Variants in TAX1BP1 observed in about 807,000 individuals in gnomAD.
The protein encoded by TAX1BP1 is Tax1 binding protein 1.
A neutral mutation model predicts 97.7 loss-of-function variants in TAX1BP1; 62 were observed. That is an observed-to-expected ratio of 0.63 (90% CI 0.52 to 0.78). The LOEUF is 0.78. Among genes scored for constraint, TAX1BP1 ranks in the 30% least tolerant of loss-of-function variants. The pLI is 0.00. For synonymous variants in TAX1BP1, 340 were observed against 304.2 expected (o/e 1.12, Z -1.23); for missense variants, 867 against 916.1 (o/e 0.95, Z 0.69).
intron 13 of TAX1BP1, among the ~76,000 whole-genome samples, chr7:27,802,237 C>T (rs965005845): frequency 3.3e-5 from 5 of 152,052 alleles, no homozygotes; most frequent in South Asian, 2.1e-4. Flanking sequence ...CCAATCACAG[C>T]GAGTCTTTTT....
At position 27,785,246 on chromosome 7, in the gene TAX1BP1, TC is replaced by T. The variant is rs766300330; in HGVS notation, c.697del (p.Gln233SerfsTer9). 2.5e-6 allele frequency: 4 copies of T among 1,613,384 alleles called. No individual in the cohort carries two copies. The Admixed American group carries it at 6.7e-5, about 27-fold the overall frequency. On this transcript the variant is annotated frameshift_variant, in exon 6 of 17. Coordinates refer to ENST00000396319, the MANE Select transcript of TAX1BP1 (RefSeq NM_006024.7). LOFTEE classifies it high-confidence loss of function. Reference protein sequence around the residue: ...RFSDATSKAHQLEEDIVSVTH... With the variant: ...RFSDATSKAHXLEEDIVSVTH... Reference sequence around the variant, plus strand: ...TCAGTGATGCTACATCCAAAGCCCATCAGCTTGAGGAAGATATTGTGTCAGT... The same window carrying T: ...TCAGTGATGCTACATCCAAAGCCCATAGCTTGAGGAAGATATTGTGTCAGT...
Position 27,794,448 on chromosome 7 carries a change from T to TA in TAX1BP1, c.1534+7dup. The TA allele has an allele frequency of 6.2e-7, 1 of 1,600,898 alleles. No homozygotes were observed. The highest frequency in any genetic ancestry group is 8.5e-7 in the Non-Finnish European group (1 of 1,174,052). On this transcript the variant is annotated splice_region_variant and intron_variant, in intron 11 of 16. Coordinates refer to ENST00000396319, the MANE Select transcript of TAX1BP1 (RefSeq NM_006024.7). ...ATGTAAAGCCATCACCTTCTGCAGG[T>TA]AAAAATCTTTTAGACTTTTTGTGTA...
At chr7:27,803,091 ATTTC>A (rs1220148732) in intron 13 of TAX1BP1, 2 of 1,539,590 alleles carry the variant, frequency 1.3e-6, no homozygotes, top group African/African-American at 1.4e-5. Context: ...AAATAAAGAA[ATTTC>A]TTTCTTTATT....
At chr7:27,769,619 A>G in intron 4 of TAX1BP1, 57 bp from the exon 5 acceptor site, 1 of 1,391,648 alleles carries the variant, frequency 7.2e-7, no homozygotes, top group Non-Finnish European at 9.7e-7. Context: ...TAAATTTGTA[A>G]TAACATATTT....
At chr7:27,813,994 C>T (rs368474026) in intron 13 of TAX1BP1, among the ~76,000 whole-genome samples, 72 of 151,878 alleles carry the variant, frequency 4.7e-4, no homozygotes, top group South Asian at 2.5e-3. Context: ...CAACTTTAAG[C>T]GAAAGGACTT....
At chr7:27,777,574 C>T (rs572057471) in intron 5 of TAX1BP1, among the ~76,000 whole-genome samples, 164 of 152,250 alleles carry the variant, frequency 1.1e-3, no homozygotes, top group African/African-American at 3.7e-3. Context: ...TTTCCTCACA[C>T]GCATATGCTG....
chr7:27,801,136 A>AG (rs386409781), intron 13 of TAX1BP1, among the ~76,000 whole-genome samples: 2 of 151,502 alleles, frequency 1.3e-5, no homozygotes, highest in African/African-American at 4.8e-5. Flanking sequence ...TAGAGAAAAA[A>AG]AAAAAACAGG....
chr7:27,786,033 TAATC>T (rs1028858442), intron 7 of TAX1BP1, among the ~76,000 whole-genome samples: 3 of 152,166 alleles, frequency 2.0e-5, no homozygotes, highest in Admixed American at 2.0e-4. Context: ...AATTTAGTAA[TAATC>T]CCATTTTAGA....
intron 12 of TAX1BP1, 43 bp downstream of exon 12, chr7:27,796,262 T>G: frequency 7.1e-7 from 1 of 1,418,310 alleles, no homozygotes; most frequent in Non-Finnish European, 9.7e-7. Flanking sequence ...TATAAAATGT[T>G]AATGACTTAG....
intron 5 of TAX1BP1, among the ~76,000 whole-genome samples, chr7:27,782,565 T>C (rs7800116): frequency 0.2 from 30,608 of 152,084 alleles, 3,217 homozygotes; most frequent in Admixed American, 0.26. Flanking sequence ...TATATTTTTG[T>C]CTGGTGGATT....
At chr7:27,758,583 T>C (rs1788312293) in intron 3 of TAX1BP1, among the ~76,000 whole-genome samples, 2 of 152,220 alleles carry the variant, frequency 1.3e-5, no homozygotes, top group African/African-American at 4.8e-5. Context: ...ATAAAATTCA[T>C]TTTTGTGTTA....
At chr7:27,808,958 CAA>C (rs1029115229) in intron 13 of TAX1BP1, among the ~76,000 whole-genome samples, 2 of 152,122 alleles carry the variant, frequency 1.3e-5, no homozygotes, top group African/African-American at 4.8e-5. Context: ...GATATTTTGA[CAA>C]AGTCTATTTT....
At chr7:27,776,220 T>C (rs1478062184) in intron 5 of TAX1BP1, among the ~76,000 whole-genome samples, 1 of 152,170 alleles carries the variant, frequency 6.6e-6, no homozygotes, top group Non-Finnish European at 1.5e-5. Context: ...TTGTAAGTAA[T>C]TTTAAGGATT....
At chr7:27,767,042 TTG>T (rs1322239095) in intron 4 of TAX1BP1, among the ~76,000 whole-genome samples, 27 of 152,188 alleles carry the variant, frequency 1.8e-4, no homozygotes, top group Admixed American at 1.8e-3. Flanking sequence ...TAATAATGCC[TTG>T]TGTATTAATT....
intron 1 of TAX1BP1, among the ~76,000 whole-genome samples, chr7:27,741,968 G>C (rs898283223): frequency 1.3e-5 from 2 of 152,188 alleles, no homozygotes; most frequent in African/African-American, 4.8e-5. Flanking sequence ...TGTGCTTTTA[G>C]ATATGCATAC....
chr7:27,791,965 T>C, intron 8 of TAX1BP1, 41 bp from the exon 9 acceptor site: 1 of 1,585,120 alleles, frequency 6.3e-7, no homozygotes, highest in Non-Finnish European at 8.6e-7. Context: ...GTTTTTTACT[T>C]GAGTGGTTGA....
intron 1 of TAX1BP1, among the ~76,000 whole-genome samples, chr7:27,741,911 C>T (rs935312736): frequency 6.6e-6 from 1 of 152,140 alleles, no homozygotes; most frequent in Non-Finnish European, 1.5e-5. Flanking sequence ...CAGACAAACA[C>T]GTGAACAAAG....
intron 5 of TAX1BP1, 25 bp downstream of exon 5, chr7:27,769,859 T>C: frequency 1.2e-6 from 2 of 1,607,910 alleles, no homozygotes; most frequent in Non-Finnish European, 1.7e-6. Context: ...ATGTAACTGA[T>C]TGAAGTTGAT....
rs147697049 is a variant in TAX1BP1, at chr7:27,790,384, G to A, written c.1039-1622G>A. 9.9e-5 allele frequency among the ~76,000 whole-genome samples: 15 copies of A among 151,776 alleles called. No individual in the cohort carries two copies. The East Asian group carries it at 1.4e-3, about 14-fold the overall frequency. On this transcript the variant is annotated intron_variant, in intron 8 of 16. Coordinates refer to ENST00000396319, the MANE Select transcript of TAX1BP1 (RefSeq NM_006024.7). Reference sequence around the variant, plus strand: ...CAATATGTAGGCACATTTATAATCCGTAGAATAAGTTCTTTCAAGTGGAAT... The same window carrying A: ...CAATATGTAGGCACATTTATAATCCATAGAATAAGTTCTTTCAAGTGGAAT...
Sources: allele counts gnomAD v4.1 joint callset (sites outside exome capture counted in the v4.1 genomes callset), GRCh38; gene constraint gnomAD v4.1.1; transcripts MANE v1.5; gene names NCBI Gene and HGNC (gene_info 2026-07-23, HGNC 2026-07-21).